VWA8: variants seen among roughly 807,000 people sequenced by gnomAD.
VWA8 encodes the protein von Willebrand factor A domain-containing protein 8.
Under a neutral mutation model 241.5 loss-of-function variants are expected in VWA8, and 221 were observed. That is an observed-to-expected ratio of 0.91 (90% CI 0.82 to 1.02). The LOEUF (loss-of-function observed/expected upper bound fraction) is 1.02. Ranked by LOEUF, VWA8 falls within the 50% of genes least tolerant of loss-of-function variation. VWA8 has a pLI of 0.00. For synonymous variants in VWA8, 852 were observed against 827.1 expected (o/e 1.03, Z -0.52); for missense variants, 2,322 against 2,328.7 (o/e 1.00, Z 0.06).
intron 12 of VWA8, among the ~76,000 whole-genome samples, chr13:41,860,700 A>T (rs1275547007): frequency 6.6e-6 from 1 of 152,212 alleles, no homozygotes; most frequent in Non-Finnish European, 1.5e-5. Context: ...TCTTTTACAT[A>T]ACAAGATAGC....
At chr13:41,947,950 A>C (rs1593890480) in intron 2 of VWA8, among the ~76,000 whole-genome samples, 5 of 148,534 alleles carry the variant, frequency 3.4e-5, no homozygotes, top group African/African-American at 7.4e-5. Context: ...AAAAAAAAAA[A>C]AAACAAAACA....
chr13:41,833,300 T>C (rs1871552964), intron 13 of VWA8, 71 bp downstream of exon 13: 2 of 1,476,922 alleles, frequency 1.4e-6, no homozygotes, highest in Admixed American at 2.5e-5. Flanking sequence ...AAGAATGAGA[T>C]AGTTCCATCT....
chr13:41,873,426 C>T lies in VWA8; in HGVS notation c.1081-4949G>A, dbSNP rs902749254. ...TTTTTGAAAGGATCAACAAAATTGA[C>T]AGACCGCTAGCAAGACTAATAAAGA... On this transcript the variant is annotated intron_variant, in intron 9 of 44. Coordinates refer to ENST00000379310, the MANE Select transcript of VWA8 (RefSeq NM_015058.2). Among the ~76,000 whole-genome samples, 419 of 152,046 alleles carry T rather than the reference C, an allele frequency of 2.8e-3. 2 individuals are homozygous for T. Among genetic ancestry groups the T allele is most frequent in the African/African-American group, 9.1e-3 (378 of 41,480 alleles).
At position 41,684,393 on chromosome 13, in the gene VWA8, T is replaced by C. The variant is rs191688679; in HGVS notation, c.4327+654A>G. 5.8e-4 allele frequency among the ~76,000 whole-genome samples: 88 copies of C among 152,258 alleles called. No individual in the cohort carries two copies. In the East Asian group the frequency reaches 7.9e-3, roughly 14 times the overall value. Reference sequence around the variant, plus strand: ...CAATGATCAAACTTTTTCATAGTTATCTGTTATGATGAATGCCAGTGTGGT... The same window carrying C: ...CAATGATCAAACTTTTTCATAGTTACCTGTTATGATGAATGCCAGTGTGGT... On this transcript the variant is annotated intron_variant, in intron 35 of 44. Transcript: ENST00000379310.
intron 14 of VWA8, among the ~76,000 whole-genome samples, chr13:41,821,655 C>T (rs944819051): frequency 5.3e-5 from 8 of 152,056 alleles, no homozygotes; most frequent in Non-Finnish European, 8.8e-5. Context: ...AATGAAACTA[C>T]AGATACGGCT....
chr13:41,576,965 C>T (rs2044354621), intron 42 of VWA8, among the ~76,000 whole-genome samples: 1 of 152,260 alleles, frequency 6.6e-6, no homozygotes, highest in Admixed American at 6.5e-5. Flanking sequence ...CTCCATCGCT[C>T]CATCATAAAC....
intron 12 of VWA8, among the ~76,000 whole-genome samples, chr13:41,838,183 C>A (rs1392419032): frequency 1.3e-5 from 2 of 152,058 alleles, no homozygotes; most frequent in Admixed American, 6.5e-5. Context: ...GTTTTTAGTA[C>A]CTTTAAATGA....
At chr13:41,686,947 G>C (rs1024573341) in intron 34 of VWA8, among the ~76,000 whole-genome samples, 6 of 152,000 alleles carry the variant, frequency 3.9e-5, no homozygotes, top group Admixed American at 6.6e-5. Context: ...ATCACTAGTG[G>C]TTACCTCTCC....
intron 9 of VWA8, among the ~76,000 whole-genome samples, chr13:41,879,131 C>T (rs1381869206): frequency 1.3e-5 from 2 of 152,068 alleles, no homozygotes; most frequent in African/African-American, 4.8e-5. Flanking sequence ...ACTTCGATGA[C>T]CAATGGCCAA....
In VWA8 at chr13:41,605,208, C is replaced by T. The variant is rs747621250; in HGVS notation, c.4946G>A (p.Arg1649Gln). The T allele has an allele frequency of 8.7e-6, 14 of 1,613,048 alleles. No homozygotes were observed. Among genetic ancestry groups the T allele is most frequent in the South Asian group, 3.3e-5 (3 of 91,046 alleles). Residue 1649 changes from arginine (R) to glutamine (Q), a missense_variant, in exon 40 of 45, where the codon CGA (arginine) becomes CAA (glutamine). By Grantham distance (43) the Arg-to-Gln change is conservative (BLOSUM62 1). Coordinates refer to ENST00000379310, the MANE Select transcript of VWA8 (RefSeq NM_015058.2). Reference sequence around the variant, plus strand: ...GATGATTCGGAGGGAGTGCACCTGTCGCCGAACAGCACCTGAAAACCTTTC... The same window carrying T: ...GATGATTCGGAGGGAGTGCACCTGTTGCCGAACAGCACCTGAAAACCTTTC... ...TYERFSGAVR[R>Q]QVHSLRIILD...
intron 43 of VWA8, among the ~76,000 whole-genome samples, chr13:41,573,484 A>ATATATATATATATAT (rs796873882): frequency 1.8e-4 from 21 of 116,998 alleles, no homozygotes; most frequent in African/African-American, 7.5e-4. Flanking sequence ...TAAAAAAAAA[A>ATATATATATATATAT]AAATATATAT....
chr13:41,710,618 C>A lies in VWA8; in HGVS notation c.3117-7207G>T, dbSNP rs148520991. The stretch of plus-strand genomic sequence containing the variant: ...CTTTTCTGAAATGAAATTAAATAGT[C>A]ATTCAGAGTGGAATTGTACACCTTA... On this transcript the variant is annotated intron_variant, in intron 26 of 44. Transcript: ENST00000379310. Among the ~76,000 whole-genome samples, 231 of 152,240 alleles carry A rather than the reference C, an allele frequency of 1.5e-3. 2 individuals are homozygous for A. Among genetic ancestry groups the A allele is most frequent in the African/African-American group, 5.5e-3 (227 of 41,540 alleles).
At chr13:41,899,327 A>G (rs186585623) in intron 4 of VWA8, among the ~76,000 whole-genome samples, 93 of 152,360 alleles carry the variant, frequency 6.1e-4, no homozygotes, top group Non-Finnish European at 1.9e-4. Flanking sequence ...AGGCAAGAAT[A>G]TTATAAGGGG....
chr13:41,799,322 A>C (rs1869843478), intron 17 of VWA8, among the ~76,000 whole-genome samples: 1 of 152,188 alleles, frequency 6.6e-6, no homozygotes, highest in Non-Finnish European at 1.5e-5. Flanking sequence ...CAAGTAACTA[A>C]ATGATCCCGG....
intron 21 of VWA8, among the ~76,000 whole-genome samples, chr13:41,750,028 A>C (rs1234448389): frequency 6.6e-6 from 1 of 152,204 alleles, no homozygotes; most frequent in Non-Finnish European, 1.5e-5. Flanking sequence ...TATATTAAAA[A>C]AAAAGAAATA....
chr13:41,869,916 T>C (rs1331125390), intron 9 of VWA8, among the ~76,000 whole-genome samples: 3 of 152,278 alleles, frequency 2.0e-5, no homozygotes, highest in Admixed American at 2.0e-4. Context: ...GGAACATTAT[T>C]ACTATAGTGA....
chr13:41,656,339 C>A (rs538130294), intron 37 of VWA8, among the ~76,000 whole-genome samples: 3 of 152,278 alleles, frequency 2.0e-5, no homozygotes, highest in Admixed American at 1.3e-4. Flanking sequence ...TCACCAGCAA[C>A]GTGAAATGTA....
chr13:41,725,890 T>C (rs1189365572), intron 24 of VWA8, among the ~76,000 whole-genome samples: 1 of 152,208 alleles, frequency 6.6e-6, no homozygotes, highest in African/African-American at 2.4e-5. Flanking sequence ...TTTAAGGTAT[T>C]ATCTGCACAT....
chr13:41,737,738 G>A (rs183676534), intron 21 of VWA8, among the ~76,000 whole-genome samples: 110 of 152,236 alleles, frequency 7.2e-4, no homozygotes, highest in Non-Finnish European at 9.0e-4. Flanking sequence ...TTGACATGAT[G>A]GGTATGTTAA....
Sources: allele counts gnomAD v4.1 joint callset (sites outside exome capture counted in the v4.1 genomes callset), GRCh38; gene constraint gnomAD v4.1.1; transcripts MANE v1.5; gene names NCBI Gene and HGNC (gene_info 2026-07-23, HGNC 2026-07-21).